Variants in PTPRN2 observed in about 807,000 individuals in gnomAD.
PTPRN2 encodes the protein receptor-type tyrosine-protein phosphatase N2.
PTPRN2 carries 74 observed loss-of-function variants against 118.8 expected under a neutral mutation model. The ratio of observed to expected loss-of-function variants is 0.62; its 90% CI spans 0.52 to 0.76. The LOEUF (loss-of-function observed/expected upper bound fraction) is 0.76, where lower values mean the gene tolerates loss of function less well. Ranked by LOEUF, PTPRN2 falls within the 30% of genes least tolerant of loss-of-function variation. PTPRN2 has a pLI of 0.00. For synonymous variants in PTPRN2, 641 were observed against 608.0 expected (o/e 1.05, Z -0.80); for missense variants, 1,481 against 1,394.4 (o/e 1.06, Z -0.99).
intron 11 of PTPRN2, among the ~76,000 whole-genome samples, chr7:157,962,145 T>C (rs894496093): frequency 1.3e-5 from 2 of 152,246 alleles, no homozygotes; most frequent in African/African-American, 2.4e-5. Context: ...ATTTTCTAAT[T>C]TGAAAAATCC....
intron 2 of PTPRN2, among the ~76,000 whole-genome samples, chr7:158,365,208 C>T (rs761802369): frequency 2.6e-5 from 4 of 152,228 alleles, no homozygotes; most frequent in Non-Finnish European, 5.9e-5. Flanking sequence ...GAGCGCCTCA[C>T]GTGAGCCACA....
intron 10 of PTPRN2, among the ~76,000 whole-genome samples, chr7:158,085,555 C>A (rs1479983303): frequency 7.4e-6 from 1 of 134,498 alleles, no homozygotes; most frequent in Non-Finnish European, 1.6e-5. Flanking sequence ...CCCATCCACA[C>A]CCACCACGCC....
intron 3 of PTPRN2, among the ~76,000 whole-genome samples, chr7:158,214,219 TC>T (rs1237992494): frequency 1.3e-5 from 2 of 152,018 alleles, no homozygotes; most frequent in Non-Finnish European, 2.9e-5. Context: ...ACATACGTCT[TC>T]CCACTAAGTA....
intron 12 of PTPRN2, among the ~76,000 whole-genome samples, chr7:157,839,834 CGTGTG>C: frequency 7.7e-6 from 1 of 129,406 alleles, no homozygotes; most frequent in South Asian, 3.0e-4. Flanking sequence ...TGTGTGGCCA[CGTGTG>C]ACTGTGTGAC....
In PTPRN2 at chr7:157,576,708, C is replaced by G; in HGVS notation, c.2688G>C (p.Gln896His). Residue 896 changes from glutamine (Q) to histidine (H), a missense_variant, in exon 19 of 23, where the codon CAG becomes CAC. Coordinates refer to ENST00000389418, the MANE Select transcript of PTPRN2 (RefSeq NM_002847.5). ...LVRSFYLKNL[Q>H]TNETRTVTQF... ...GCGTCACGGTGCGCGTCTCGTTGGT[C>G]TGCAGGTTCTTCAGATAGAAGCTCC... The G allele has an allele frequency of 1.2e-6, 2 of 1,610,668 alleles. No individual in the cohort carries two copies. The highest frequency in any genetic ancestry group is 1.7e-6 in the Non-Finnish European group (2 of 1,178,218).
chr7:157,589,246 C>T (rs902330314), intron 17 of PTPRN2, among the ~76,000 whole-genome samples: 4 of 152,162 alleles, frequency 2.6e-5, no homozygotes, highest in African/African-American at 9.7e-5. Flanking sequence ...GTCAATGGCT[C>T]GGCCAAATGA....
intron 3 of PTPRN2, among the ~76,000 whole-genome samples, chr7:158,252,392 A>C (rs1796743949): frequency 6.6e-6 from 1 of 152,162 alleles, no homozygotes; most frequent in Non-Finnish European, 1.5e-5. Flanking sequence ...GAAGGCGGCC[A>C]ACTGGGCAGC....
chr7:157,710,076 T>C (rs1008447865), intron 12 of PTPRN2, among the ~76,000 whole-genome samples: 4 of 152,050 alleles, frequency 2.6e-5, no homozygotes, highest in African/African-American at 4.8e-5. Context: ...AGAAGGGTGC[T>C]CGCCTGAGAC....
rs145629300 is a variant in PTPRN2, at chr7:157,694,262, C to T, written c.1789-11325G>A. On this transcript the variant is annotated intron_variant, in intron 12 of 22. Coordinates refer to ENST00000389418, the MANE Select transcript of PTPRN2 (RefSeq NM_002847.5). ...CACCAATTCAGTTCAATTTGGGTCA[C>T]TTTAAAAATCGTGAGAGGGCCTGAA... 8.4e-3 allele frequency among the ~76,000 whole-genome samples: 1,280 copies of T among 152,288 alleles called. 17 individuals are homozygous for T. Among genetic ancestry groups the T allele is most frequent in the African/African-American group, 0.029 (1,204 of 41,552 alleles).
intron 14 of PTPRN2, among the ~76,000 whole-genome samples, chr7:157,637,516 G>A (rs898488919): frequency 2.6e-5 from 4 of 152,140 alleles, no homozygotes; most frequent in African/African-American, 9.7e-5. Flanking sequence ...TTCGTATCAC[G>A]ATTTCTATGC....
At chr7:158,340,267 T>A (rs1446264067) in intron 2 of PTPRN2, among the ~76,000 whole-genome samples, 1 of 83,176 alleles carries the variant, frequency 1.2e-5, no homozygotes, top group African/African-American at 4.3e-5. Context: ...AGGTGACACC[T>A]ACAGACATCA....
At position 157,840,732 on chromosome 7, in the gene PTPRN2, C is replaced by G. The variant is rs575926988; in HGVS notation, c.1788+57941G>C. Among the ~76,000 whole-genome samples the G allele has an allele frequency of 3.3e-5, 5 of 152,380 alleles. No individual in the cohort carries two copies. The East Asian group carries it at 9.6e-4, about 29-fold the overall frequency. On this transcript the variant is annotated intron_variant, in intron 12 of 22. Transcript: ENST00000389418. ...CGCCACCAGGCAGCATCCAGAGCCT[C>G]CAGCGTTTTCACCCAGTGGGTTGCT...
intron 12 of PTPRN2, among the ~76,000 whole-genome samples, chr7:157,873,909 C>A (rs1795546094): frequency 6.6e-6 from 1 of 152,102 alleles, no homozygotes; most frequent in African/African-American, 2.4e-5. Context: ...CAGGGCACGG[C>A]AGGAGGGCCG....
intron 12 of PTPRN2, among the ~76,000 whole-genome samples, chr7:157,689,785 C>T (rs1408844246): frequency 6.6e-6 from 1 of 152,226 alleles, no homozygotes; most frequent in African/African-American, 2.4e-5. Flanking sequence ...GAGAGATGGC[C>T]TCTCAGAGGC....
chr7:157,584,534 A>G (rs1800561489), intron 17 of PTPRN2, among the ~76,000 whole-genome samples: 1 of 152,256 alleles, frequency 6.6e-6, no homozygotes, highest in Non-Finnish European at 1.5e-5. Flanking sequence ...TAAAAAAACA[A>G]GCATGGTAAC....
intron 2 of PTPRN2, among the ~76,000 whole-genome samples, chr7:158,356,787 T>TAA (rs11438939): frequency 0.16 from 24,210 of 148,418 alleles, 2,016 homozygotes; most frequent in Middle Eastern, 0.23. Flanking sequence ...TGAAAAGAGC[T>TAA]AAAAAAAAAA....
At chr7:158,071,652 ATGGAGGTGCTCGTGGTGG>A (rs1447324101) in intron 11 of PTPRN2, among the ~76,000 whole-genome samples, 10 of 24,234 alleles carry the variant, frequency 4.1e-4, no homozygotes, top group East Asian at 1.5e-3. Context: ...GCTCGTGGTG[ATGGAGGTGCTCGTGGTGG>A]TGGAGGTGCT....
At chr7:158,182,757 A>G (rs1176874382) in intron 5 of PTPRN2, among the ~76,000 whole-genome samples, 1 of 152,226 alleles carries the variant, frequency 6.6e-6, no homozygotes, top group Non-Finnish European at 1.5e-5. Context: ...AGGAGAATGT[A>G]TATTCTGCAG....
chr7:157,737,073 T>A (rs1002492030), intron 12 of PTPRN2, among the ~76,000 whole-genome samples: 5 of 152,354 alleles, frequency 3.3e-5, no homozygotes, highest in Admixed American at 3.3e-4. Flanking sequence ...CCAGGCGTCT[T>A]GGATAAACAG....
Sources: allele counts gnomAD v4.1 joint callset (sites outside exome capture counted in the v4.1 genomes callset), GRCh38; gene constraint gnomAD v4.1.1; transcripts MANE v1.5; gene names NCBI Gene and HGNC (gene_info 2026-07-23, HGNC 2026-07-21).